Variants in PARP12 observed in about 807,000 individuals in gnomAD.
PARP12 encodes the protein poly(ADP-ribose) polymerase family member 12, also known as protein mono-ADP-ribosyltransferase PARP12.
PARP12 carries 59 observed loss-of-function variants against 72.4 expected under a neutral mutation model. The ratio of observed to expected loss-of-function variants is 0.81; its 90% CI spans 0.66 to 1.01. The LOEUF (loss-of-function observed/expected upper bound fraction) is 1.01, where lower values mean the gene tolerates loss of function less well. Ranked by LOEUF, PARP12 falls within the 50% of genes least tolerant of loss-of-function variation. The pLI, the probability that PARP12 is intolerant of heterozygous loss-of-function variation, is 0.00. For synonymous variants in PARP12, 403 were observed against 371.4 expected (o/e 1.09, Z -0.98); for missense variants, 851 against 914.0 (o/e 0.93, Z 0.89).
At chr7:140,037,614 C>T in intron 7 of PARP12, 101 bp downstream of exon 7, 2 of 1,527,738 alleles carry the variant, frequency 1.3e-6, no homozygotes, top group South Asian at 1.3e-5. Context: ...CCTGTACCCA[C>T]CCAGGCCCTC....
chr7:140,028,087 G>A (rs1017354077), intron 9 of PARP12, among the ~76,000 whole-genome samples: 2 of 152,182 alleles, frequency 1.3e-5, no homozygotes, highest in Admixed American at 6.5e-5. Context: ...CATCAGCCCA[G>A]GTGCAGACGG....
intron 11 of PARP12, 64 bp downstream of exon 11, chr7:140,026,133 A>G (rs995905230): frequency 8.1e-6 from 13 of 1,612,288 alleles, no homozygotes; most frequent in Non-Finnish European, 1.0e-5. Context: ...GCCCTCTAGC[A>G]GTCTGTTCCT....
chr7:140,060,843 C>T (rs62491365), intron 1 of PARP12, among the ~76,000 whole-genome samples: 2 of 152,190 alleles, frequency 1.3e-5, no homozygotes, highest in Non-Finnish European at 2.9e-5. Context: ...ATCTGATCCA[C>T]TCCTGGGGCT....
At chr7:140,034,184 C>A in intron 8 of PARP12, 51 bp downstream of exon 8, 3 of 1,589,802 alleles carry the variant, frequency 1.9e-6, no homozygotes, top group African/African-American at 1.3e-5. Flanking sequence ...CACTGCAGAG[C>A]ACACCCCAGC....
intron 5 of PARP12, among the ~76,000 whole-genome samples, chr7:140,043,354 GAT>G (rs1816575560): frequency 6.6e-6 from 1 of 152,066 alleles, no homozygotes. Context: ...AGATATACGT[GAT>G]ATGTTTTTTA....
intron 4 of PARP12, among the ~76,000 whole-genome samples, chr7:140,049,372 A>G (rs1816871304): frequency 6.6e-6 from 1 of 152,232 alleles, no homozygotes; most frequent in South Asian, 2.1e-4. Context: ...GCAGGTGTGT[A>G]CACAACAGAT....
chr7:140,052,936 C>T (rs1237196856), intron 4 of PARP12, among the ~76,000 whole-genome samples: 1 of 152,068 alleles, frequency 6.6e-6, no homozygotes, highest in Non-Finnish European at 1.5e-5. Context: ...ATGGCTAAAA[C>T]TTAAAAGACA....
intron 8 of PARP12, among the ~76,000 whole-genome samples, chr7:140,030,294 G>C (rs1815890020): frequency 6.6e-6 from 1 of 152,168 alleles, no homozygotes; most frequent in Non-Finnish European, 1.5e-5. Flanking sequence ...CTTCAAGATT[G>C]ATGGCAAAAT....
chr7:140,062,563 G>A lies in PARP12; in HGVS notation c.285C>T (p.Cys95=), dbSNP rs1375226789. 6.4e-7 allele frequency: 1 copy of A among 1,554,974 alleles called. No homozygotes were observed. The highest frequency in any genetic ancestry group is 8.7e-7 in the Non-Finnish European group (1 of 1,155,048). The change falls in exon 1 of 12, where the codon TGC becomes TGT. Residue 95 remains cysteine, a synonymous_variant. Transcript: ENST00000263549. The part of the protein sequence containing the change: ...CVGLCAQLHL[C]RFMVYGACKF... The stretch of plus-strand genomic sequence containing the variant: ...TGCAGGCGCCGTAGACCATGAACCT[G>A]CAGAGGTGGAGCTGCGCGCAGAGCC...
chr7:140,033,923 A>G (rs959187144), intron 8 of PARP12: 3 of 1,024,366 alleles, frequency 2.9e-6, no homozygotes, highest in African/African-American at 1.7e-5. Flanking sequence ...CTATGACTCA[A>G]TGATTCCACA....
At position 140,046,799 on chromosome 7, in the gene PARP12, A is replaced by AGTGTGTGTGTGT. The variant is rs3216987; in HGVS notation, c.986+73_986+84dup. The AGTGTGTGTGTGT allele has an allele frequency of 2.5e-3, 2,212 of 868,722 alleles. 48 individuals are homozygous for AGTGTGTGTGTGT. In the African/African-American group the frequency reaches 0.027, roughly 10 times the overall value. The allele number at this position is 868,722 out of a possible 1,614,324, so 53.8% of individuals were successfully genotyped here. A position where few individuals can be genotyped will look rare whatever the true frequency, so the allele number is the denominator to read the frequency against. Reference sequence around the variant, plus strand: ...GGCACCTCCAGACTAGGCTGCTCACAGTGTGTGTGTGTGTGTGTGTGTGTG... The same window carrying AGTGTGTGTGTGT: ...GGCACCTCCAGACTAGGCTGCTCACAGTGTGTGTGTGTGTGTGTGTGTGTGTGTGTGTGTGTG... On this transcript the variant is annotated intron_variant, in intron 5 of 11. Transcript: ENST00000263549.
intron 5 of PARP12, 119 bp downstream of exon 5, chr7:140,046,757 TCACACACA>T (rs1816744223): frequency 7.2e-6 from 6 of 833,458 alleles, no homozygotes; most frequent in African/African-American, 4.2e-5. Flanking sequence ...TGTGTGTGTG[TCACACACA>T]GAAGCCCAGG....
chr7:140,038,274 G>C (rs1489889476), intron 6 of PARP12: 48 of 985,248 alleles, frequency 4.9e-5, no homozygotes, highest in Non-Finnish European at 5.5e-5. Flanking sequence ...TTTAATCAGA[G>C]CTCGGTCCTC....
chr7:140,046,250 A>C (rs1816718656), intron 5 of PARP12, among the ~76,000 whole-genome samples: 1 of 152,224 alleles, frequency 6.6e-6, no homozygotes, highest in Non-Finnish European at 1.5e-5. Context: ...TCTAAGTGCA[A>C]ATTTATTTTA....
intron 2 of PARP12, chr7:140,057,417 C>T (rs1817231781): frequency 3.8e-6 from 2 of 520,272 alleles, no homozygotes; most frequent in South Asian, 2.6e-5. Context: ...ACTAGAGCTG[C>T]TCCTTTCACA....
At chr7:140,047,691 C>T (rs1301120913) in intron 4 of PARP12, among the ~76,000 whole-genome samples, 1 of 152,090 alleles carries the variant, frequency 6.6e-6, no homozygotes, top group Non-Finnish European at 1.5e-5. Flanking sequence ...AATCACGGCT[C>T]ACTGCAGCCT....
At chr7:140,035,104 A>G (rs943198174) in intron 7 of PARP12, among the ~76,000 whole-genome samples, 1 of 152,204 alleles carries the variant, frequency 6.6e-6, no homozygotes, top group African/African-American at 2.4e-5. Flanking sequence ...AAACATTTTA[A>G]TATTAAAAAT....
In PARP12 at chr7:140,027,408, T is replaced by C; in HGVS notation, c.1498-2A>G. 1.2e-6 allele frequency: 2 copies of C among 1,613,702 alleles called. No homozygotes were observed. Among genetic ancestry groups the C allele is most frequent in the Admixed American group, 1.7e-5 (1 of 60,010 alleles). On this transcript the variant is annotated splice_acceptor_variant, in intron 9 of 11. Coordinates refer to ENST00000263549, the MANE Select transcript of PARP12 (RefSeq NM_022750.4). LOFTEE classifies it high-confidence loss of function. The stretch of plus-strand genomic sequence containing the variant: ...CGAGGAAGAACTAAGGGTGATCTTC[T>C]GCAAGGGGCAAATGTTTTTAATGCA...
At chr7:140,056,766 T>C (rs1413449137) in intron 3 of PARP12, 90 bp downstream of exon 3, 2 of 1,351,628 alleles carry the variant, frequency 1.5e-6, no homozygotes, top group Non-Finnish European at 2.0e-6. Flanking sequence ...AAGTCACACA[T>C]TCCATGTAAT....
Sources: allele counts gnomAD v4.1 joint callset (sites outside exome capture counted in the v4.1 genomes callset), GRCh38; gene constraint gnomAD v4.1.1; transcripts MANE v1.5; gene names NCBI Gene and HGNC (gene_info 2026-07-23, HGNC 2026-07-21).